The following CAPN7 variants were observed in gnomAD, a reference collection of about 807,000 sequenced individuals.
CAPN7 encodes calpain-7.
CAPN7 carries 72 observed loss-of-function variants against 115.2 expected under a neutral mutation model. The ratio of observed to expected loss-of-function variants is 0.63; its 90% CI spans 0.52 to 0.76. The LOEUF is 0.76. Among genes scored for constraint, CAPN7 ranks in the 30% least tolerant of loss-of-function variants. The pLI, the probability that CAPN7 is intolerant of heterozygous loss-of-function variation, is 0.00. For synonymous variants in CAPN7, 344 were observed against 322.3 expected (o/e 1.07, Z -0.72); for missense variants, 905 against 971.5 (o/e 0.93, Z 0.91).
chr3:15,240,375 A>C, intron 12 of CAPN7, 98 bp from the exon 13 acceptor site: 1 of 1,066,756 alleles, frequency 9.4e-7, no homozygotes, highest in Non-Finnish European at 1.4e-6. Context: ...TGAGGGGAAA[A>C]GAATTGATAA....
chr3:15,251,888 T>A lies in CAPN7; in HGVS notation c.*628T>A. On this transcript the variant is annotated 3_prime_UTR_variant, in exon 21 of 21. Transcript: ENST00000253693. ...GATGCTCATGCCTAAGAATGAAAAT[T>A]GTTGAGGTTATCTCCCATTCAATCA... The A allele has an allele frequency of 6.6e-6, 1 of 152,098 alleles. No homozygotes were observed. Among genetic ancestry groups the A allele is most frequent in the East Asian group, 1.9e-4 (1 of 5,196 alleles). The allele number at this position is 152,098 out of a possible 1,614,324, so 9.4% of individuals were successfully genotyped here.
At chr3:15,213,763 T>G (rs2045081872) in intron 2 of CAPN7, among the ~76,000 whole-genome samples, 1 of 152,184 alleles carries the variant, frequency 6.6e-6, no homozygotes, top group African/African-American at 2.4e-5. Flanking sequence ...AACTTACATG[T>G]GATTTTTGGG....
At chr3:15,242,981 T>C (rs1345995637) in intron 16 of CAPN7, among the ~76,000 whole-genome samples, 1 of 152,188 alleles carries the variant, frequency 6.6e-6, no homozygotes, top group Non-Finnish European at 1.5e-5. Context: ...AGACAGTTAA[T>C]AAGCAAAATA....
At chr3:15,250,219 T>A (rs1695922913) in intron 19 of CAPN7, among the ~76,000 whole-genome samples, 1 of 148,030 alleles carries the variant, frequency 6.8e-6, no homozygotes, top group Non-Finnish European at 1.5e-5. Context: ...TAAAAAAAAA[T>A]TTAAGAAATT....
intron 12 of CAPN7, 47 bp downstream of exon 12, chr3:15,235,192 A>ATTT: frequency 1.3e-6 from 2 of 1,502,582 alleles, no homozygotes; most frequent in Non-Finnish European, 1.8e-6. Flanking sequence ...TGGATAAGAC[A>ATTT]TTTCAGGGAT....
At position 15,235,120 on chromosome 3, in the gene CAPN7, C is replaced by G; in HGVS notation, c.1382C>G (p.Ala461Gly). The G allele has an allele frequency of 6.2e-7, 1 of 1,612,564 alleles. No individual in the cohort carries two copies. Among genetic ancestry groups the G allele is most frequent in the East Asian group, 2.2e-5 (1 of 44,852 alleles). The change falls in exon 12 of 21, where the codon GCT becomes GGT. Residue 461 changes from alanine (A) to glycine (G), a missense_variant. By Grantham distance (60) the Ala-to-Gly change is moderately conservative (BLOSUM62 0). This residue lies in a region of CAPN7 where 620 missense variants were observed against 703.4 expected (regional missense o/e 0.88). Coordinates refer to ENST00000253693, the MANE Select transcript of CAPN7 (RefSeq NM_014296.3). ...GGTCTGGTTCCCACACACGCATATG[C>G]TGTTTTGGATATTAGAGAGTTCAAG... is the stretch of plus-strand genomic sequence containing the variant. ...KWGLVPTHAY[A>G]VLDIREFKGL... is the part of the protein sequence containing the mutation.
chr3:15,217,833 C>G (rs1693729262), intron 3 of CAPN7, among the ~76,000 whole-genome samples: 1 of 152,158 alleles, frequency 6.6e-6, no homozygotes, highest in Non-Finnish European at 1.5e-5. Flanking sequence ...GTTCTTACAA[C>G]TAAAATAAAC....
chr3:15,219,089 T>C (rs887715758), intron 4 of CAPN7, among the ~76,000 whole-genome samples: 2 of 152,208 alleles, frequency 1.3e-5, no homozygotes, highest in African/African-American at 4.8e-5. Flanking sequence ...GCTTATTATA[T>C]TTGTTGTTAA....
intron 1 of CAPN7, among the ~76,000 whole-genome samples, chr3:15,207,515 C>T (rs1244069973): frequency 2.0e-5 from 3 of 152,034 alleles, no homozygotes; most frequent in African/African-American, 7.2e-5. Context: ...TTACGGTAAC[C>T]CTTTTACTTT....
At chr3:15,211,312 C>T (rs2044930055) in intron 1 of CAPN7, among the ~76,000 whole-genome samples, 1 of 152,146 alleles carries the variant, frequency 6.6e-6, no homozygotes, top group Non-Finnish European at 1.5e-5. Context: ...AATCAGTTCA[C>T]ATTTTCAAGG....
intron 5 of CAPN7, among the ~76,000 whole-genome samples, chr3:15,222,163 C>G (rs906887369): frequency 2.6e-5 from 4 of 151,978 alleles, no homozygotes; most frequent in Non-Finnish European, 5.9e-5. Context: ...TTGCCGACCC[C>G]CTGTCTAGCG....
At chr3:15,215,844 G>T (rs998294067) in intron 2 of CAPN7, among the ~76,000 whole-genome samples, 3 of 152,192 alleles carry the variant, frequency 2.0e-5, no homozygotes, top group African/African-American at 7.2e-5. Flanking sequence ...CCAGCACTTT[G>T]GGAGGCCAAG....
At chr3:15,234,962 T>G in intron 11 of CAPN7, 63 bp from the exon 12 acceptor site, 1 of 1,454,704 alleles carries the variant, frequency 6.9e-7, no homozygotes, top group Non-Finnish European at 9.3e-7. Context: ...AAAGATAAAA[T>G]GGTGTGATCT....
intron 1 of CAPN7, among the ~76,000 whole-genome samples, chr3:15,209,004 TATA>T (rs2044786305): frequency 6.6e-6 from 1 of 152,230 alleles, no homozygotes; most frequent in African/African-American, 2.4e-5. Context: ...GCTTTCATTT[TATA>T]ATCTTTTTTC....
rs759856765 is a variant in CAPN7 at position 15,228,963 on chromosome 3, C to T, written c.853-11C>T. 1.3e-6 allele frequency: 2 copies of T among 1,579,268 alleles called. No individual in the cohort carries two copies. Among genetic ancestry groups the T allele is most frequent in the Non-Finnish European group, 1.7e-6 (2 of 1,150,324 alleles). ...AATGAATATGAATATGTTAATTATT[C>T]TTATTAACAGACAATAGTATCGGAT... is the stretch of plus-strand genomic sequence containing the variant. On this transcript the variant is annotated splice_polypyrimidine_tract_variant and intron_variant, in intron 7 of 20. Coordinates refer to ENST00000253693, the MANE Select transcript of CAPN7 (RefSeq NM_014296.3).
chr3:15,207,641 C>CT (rs1189037417), intron 1 of CAPN7, among the ~76,000 whole-genome samples: 8,904 of 142,418 alleles, frequency 0.063, 802 homozygotes, highest in African/African-American at 0.2. Context: ...TTTTTTGTTT[C>CT]TTTTTTTTTT....
rs1276609077 is a variant in CAPN7 at position 15,206,468 on chromosome 3, C to T, written c.-28C>T. 6.6e-7 allele frequency: 1 copy of T among 1,519,826 alleles called. No individual in the cohort carries two copies. Among genetic ancestry groups the T allele is most frequent in the East Asian group, 2.5e-5 (1 of 39,376 alleles). The allele number at this position is 1,519,826 out of a possible 1,614,324, so 94.1% of individuals were successfully genotyped here. ...AGCCGTCCTGCGTCAGGGCCTCCTT[C>T]CCTGCCCCGGCGCGGGGCCACTGCG... On this transcript the variant is annotated 5_prime_UTR_variant, in exon 1 of 21. Transcript: ENST00000253693.
Position 15,250,980 on chromosome 3 carries a change from C to A in CAPN7, c.2254C>A (p.Pro752Thr). The A allele has an allele frequency of 6.2e-7, 1 of 1,613,642 alleles. No individual in the cohort carries two copies. The highest frequency in any genetic ancestry group is 2.2e-5 in the East Asian group (1 of 44,832). The change falls in exon 20 of 21, where the codon CCT becomes ACT. Residue 752 changes from proline (P) to threonine (T), a missense_variant. Around this residue, in one of 3 missense-constraint regions of CAPN7, gnomAD observed 620 missense variants for 703.4 expected, o/e 0.88. Coordinates refer to ENST00000253693, the MANE Select transcript of CAPN7 (RefSeq NM_014296.3). ...TGTAACAGTTTCTACTCTAGGAGAT[C>A]CTGGTCCCCATGGCTTTCTGAGGAA... is the stretch of plus-strand genomic sequence containing the variant. Reference protein sequence around the residue: ...EVVTVSTLGDPGPHGFLRKSS... With the variant: ...EVVTVSTLGDTGPHGFLRKSS...
chr3:15,243,475 A>G (rs917699239), intron 16 of CAPN7, among the ~76,000 whole-genome samples: 1 of 152,148 alleles, frequency 6.6e-6, no homozygotes, highest in Non-Finnish European at 1.5e-5. Context: ...GGACTGCATA[A>G]ATCACCTGTG....
Sources: gnomAD v4.1 joint callset for allele counts (sites outside exome capture counted in the v4.1 genomes callset) on GRCh38, gnomAD v4.1.1 for gene constraint, gnomAD v4.1.1 regional missense constraint, MANE v1.5 for transcripts, NCBI Gene and HGNC (gene_info 2026-07-23, HGNC 2026-07-21) for gene names.